SNRK: variants seen among roughly 807,000 people sequenced by gnomAD.
SNRK encodes SNF-related serine/threonine-protein kinase.
Under a neutral mutation model 48.2 loss-of-function variants are expected in SNRK, and 3 were observed. That is an observed-to-expected ratio of 0.06 (90% CI 0.03 to 0.16). The LOEUF (loss-of-function observed/expected upper bound fraction) is 0.16. SNRK is among the 10% of genes least tolerant of loss of function. The probability of loss-of-function intolerance (pLI) is 1.00; values close to 1 mark genes in which losing one functional copy is unlikely to be tolerated. For synonymous variants in SNRK, 376 were observed against 366.1 expected (o/e 1.03, Z -0.31); for missense variants, 627 against 976.0 (o/e 0.64, Z 4.76).
chr3:43,299,326 C>T (rs564644612), intron 1 of SNRK, among the ~76,000 whole-genome samples: 65 of 152,144 alleles, frequency 4.3e-4, no homozygotes, highest in Admixed American at 2.4e-3. Context: ...TACAGGCGCC[C>T]GCCTCCACGC....
chr3:43,300,306 A>G (rs1009472963), intron 2 of SNRK, among the ~76,000 whole-genome samples: 1 of 152,106 alleles, frequency 6.6e-6, no homozygotes, highest in Admixed American at 6.5e-5. Flanking sequence ...ACTTATCTCT[A>G]GGTGTCTGAG....
chr3:43,350,437 G>A lies in SNRK; in HGVS notation c.*1880G>A, dbSNP rs375582513. 2.6e-5 allele frequency: 4 copies of A among 152,636 alleles called. No homozygotes were observed. In the East Asian group the frequency reaches 5.8e-4, roughly 22 times the overall value. The allele number at this position is 152,636 out of a possible 1,614,324, so 9.5% of individuals were successfully genotyped here. On this transcript the variant is annotated 3_prime_UTR_variant, in exon 7 of 7. Coordinates refer to ENST00000296088, the MANE Select transcript of SNRK (RefSeq NM_017719.5). ...TGTAAATACTTTTTCCTGTGATTAT[G>A]TATAGCCTTGGAATGGCACCTTTTA...
intron 3 of SNRK, among the ~76,000 whole-genome samples, chr3:43,327,530 AAT>A (rs1286633120): frequency 6.6e-5 from 10 of 152,232 alleles, no homozygotes; most frequent in Admixed American, 5.9e-4. Flanking sequence ...AAAGGAAAAA[AAT>A]AGAGGTTTCT....
chr3:43,344,816 G>GGTT (rs1436054679), intron 6 of SNRK, among the ~76,000 whole-genome samples: 2 of 152,196 alleles, frequency 1.3e-5, no homozygotes, highest in Middle Eastern at 3.4e-3. Context: ...GCAAGAAAGA[G>GGTT]TAACCCCAAG....
At chr3:43,339,819 ATATATATATATATAT>A (rs2091219849) in intron 4 of SNRK, among the ~76,000 whole-genome samples, 1 of 1,456 alleles carries the variant, frequency 6.9e-4, no homozygotes, top group Admixed American at 6.8e-3. Context: ...CATTTCCAAA[ATATATATATATATAT>A]ATATATATAT....
intron 4 of SNRK, among the ~76,000 whole-genome samples, chr3:43,333,629 G>T (rs1032440752): frequency 6.6e-6 from 1 of 152,100 alleles, no homozygotes; most frequent in Admixed American, 6.6e-5. Context: ...GGCATACGTT[G>T]TCTGCATGTT....
At chr3:43,323,185 G>T (rs1162149004) in intron 3 of SNRK, among the ~76,000 whole-genome samples, 1 of 152,114 alleles carries the variant, frequency 6.6e-6, no homozygotes, top group Middle Eastern at 3.4e-3. Flanking sequence ...GTAAAAGCTC[G>T]ATCTGTGTCA....
At chr3:43,316,016 C>A (rs1327219645) in intron 3 of SNRK, among the ~76,000 whole-genome samples, 1 of 151,536 alleles carries the variant, frequency 6.6e-6, no homozygotes, top group Non-Finnish European at 1.5e-5. Context: ...CTGGCATAAA[C>A]CCTCTGTAAA....
At position 43,303,471 on chromosome 3, in the gene SNRK, C is replaced by A. The variant is rs1259673589; in HGVS notation, c.268C>A (p.Leu90Ile). Residue 90 changes from leucine to isoleucine, a missense_variant, in exon 3 of 7, where the codon CTT becomes ATT. Physicochemically the swap from Leu to Ile is conservative, Grantham distance 5. Around this residue, in one of 4 missense-constraint regions of SNRK, gnomAD observed 147 missense variants for 356.8 expected, o/e 0.41. Coordinates refer to ENST00000296088, the MANE Select transcript of SNRK (RefSeq NM_017719.5). This position sits in a 1 kb window ranked among gnomAD's most constrained non-coding sequence, Gnocchi z 6.2. ...TATTGACACCCAGACCAAACTATAT[C>A]TTATTCTAGAACTTGGGGATGGAGG... ...EVIDTQTKLY[L>I]ILELGDGGDM... is the part of the protein sequence containing the mutation. 6.2e-7 allele frequency: 1 copy of A among 1,614,154 alleles called. No individual in the cohort carries two copies. Among genetic ancestry groups the A allele is most frequent in the Admixed American group, 1.7e-5 (1 of 60,020 alleles).
chr3:43,326,558 G>A (rs1397269689), intron 3 of SNRK, among the ~76,000 whole-genome samples: 2 of 152,228 alleles, frequency 1.3e-5, no homozygotes, highest in African/African-American at 4.8e-5. Flanking sequence ...AAATTGTTAG[G>A]TAGCCCAGGT....
chr3:43,290,930 A>G (rs1334853490), intron 1 of SNRK, among the ~76,000 whole-genome samples: 1 of 152,206 alleles, frequency 6.6e-6, no homozygotes, highest in Non-Finnish European at 1.5e-5. Flanking sequence ...TATTAACCAC[A>G]CAGTCACACA....
At chr3:43,291,375 A>G (rs1263657152) in intron 1 of SNRK, among the ~76,000 whole-genome samples, 1 of 152,204 alleles carries the variant, frequency 6.6e-6, no homozygotes, top group African/African-American at 2.4e-5. Context: ...ACTGTGAATA[A>G]GTTGAGACAG....
At chr3:43,324,433 T>C (rs1213499080) in intron 3 of SNRK, among the ~76,000 whole-genome samples, 2 of 150,028 alleles carry the variant, frequency 1.3e-5, no homozygotes, top group Non-Finnish European at 3.0e-5. Context: ...CGCTTGAACC[T>C]GGGATGTGGA....
intron 2 of SNRK, among the ~76,000 whole-genome samples, chr3:43,300,877 T>C (rs976876129): frequency 2.0e-5 from 3 of 152,274 alleles, no homozygotes; most frequent in Admixed American, 1.3e-4. Context: ...GTTTTGGTTC[T>C]GAAATCAGTT....
At chr3:43,309,160 T>C (rs1490839913) in intron 3 of SNRK, among the ~76,000 whole-genome samples, 4 of 152,194 alleles carry the variant, frequency 2.6e-5, no homozygotes, top group African/African-American at 7.2e-5. Flanking sequence ...TGTTTTTTTT[T>C]AGTTGTTGTT....
chr3:43,350,223 A>G lies in SNRK; in HGVS notation c.*1666A>G, dbSNP rs1332813487. ...TGATATTTATAATTTGAAAGCTATGAGAATAGATGTGTGGGTGAAGCCATA... is the reference window on the plus strand; with the variant it reads ...TGATATTTATAATTTGAAAGCTATGGGAATAGATGTGTGGGTGAAGCCATA... On this transcript the variant is annotated 3_prime_UTR_variant, in exon 7 of 7. Coordinates refer to ENST00000296088, the MANE Select transcript of SNRK (RefSeq NM_017719.5). 6.6e-6 allele frequency: 1 copy of G among 152,646 alleles called. No individual in the cohort carries two copies. Among genetic ancestry groups the G allele is most frequent in the African/African-American group, 2.4e-5 (1 of 41,458 alleles). The allele number at this position is 152,646 out of a possible 1,614,324, so 9.5% of individuals were successfully genotyped here.
intron 4 of SNRK, among the ~76,000 whole-genome samples, chr3:43,339,724 G>A (rs1373780205): frequency 1.3e-5 from 2 of 150,018 alleles, no homozygotes; most frequent in Non-Finnish European, 3.0e-5. Flanking sequence ...GCTGAGGCAG[G>A]AGAATTGCTT....
At chr3:43,339,055 A>G (rs1316504801) in intron 4 of SNRK, among the ~76,000 whole-genome samples, 1 of 152,036 alleles carries the variant, frequency 6.6e-6, no homozygotes, top group Non-Finnish European at 1.5e-5. Context: ...ATTCTTTGTA[A>G]TATTATTTGG....
chr3:43,316,440 A>G (rs1480591338), intron 3 of SNRK, among the ~76,000 whole-genome samples: 1 of 152,152 alleles, frequency 6.6e-6, no homozygotes, highest in African/African-American at 2.4e-5. Flanking sequence ...GCTTCCATGC[A>G]ATTATAATAT....
Sources: allele counts gnomAD v4.1 joint callset (sites outside exome capture counted in the v4.1 genomes callset), GRCh38; gene constraint gnomAD v4.1.1; regional missense constraint gnomAD v4.1.1; non-coding constraint Gnocchi (gnomAD v3.1); transcripts MANE v1.5; gene names NCBI Gene and HGNC (gene_info 2026-07-23, HGNC 2026-07-21).